The following RRM2 variants were observed in gnomAD, a reference collection of about 807,000 sequenced individuals.
RRM2 encodes the protein ribonucleotide reductase regulatory subunit M2.
In RRM2, 6 loss-of-function variants were observed where a neutral mutation model predicts 45.9. The observed-to-expected ratio is 0.13, with a 90% CI of 0.07 to 0.26. The LOEUF (loss-of-function observed/expected upper bound fraction) is 0.26. RRM2 is among the 10% of genes least tolerant of loss of function. The pLI is 1.00. For missense variants in RRM2, 343 were observed against 489.5 expected (o/e 0.70, Z 2.82); for synonymous variants, 177 against 173.0 (o/e 1.02, Z -0.18).
intron 3 of RRM2, among the ~76,000 whole-genome samples, chr2:10,157,016 CTTT>C (rs71391198): frequency 3.5e-5 from 3 of 85,926 alleles, no homozygotes; most frequent in African/African-American, 4.7e-5. Context: ...CAGCCCATTT[CTTT>C]TTTTTTTTTT....
chr2:10,197,363 T>C (rs75839341), intron 3 of RRM2, among the ~76,000 whole-genome samples: 3,210 of 152,284 alleles, frequency 0.021, 121 homozygotes, highest in African/African-American at 0.073. Flanking sequence ...CGTTTCGTCA[T>C]GTTCCTTCTG....
chr2:10,133,917 G>A (rs942149894), downstream of RRM2, among the ~76,000 whole-genome samples: 16 of 152,016 alleles, frequency 1.1e-4, no homozygotes, highest in South Asian at 2.5e-3. Flanking sequence ...GGTGGCTCGC[G>A]CCTGTAATCC....
chr2:10,154,765 GGCT>G (rs1663391653), intron 3 of RRM2, among the ~76,000 whole-genome samples: 1 of 138,368 alleles, frequency 7.2e-6, no homozygotes, highest in African/African-American at 2.8e-5. Flanking sequence ...GCGCGATCTC[GGCT>G]CACTGCAACC....
chr2:10,148,396 T>C (rs1246772812), intron 3 of RRM2, among the ~76,000 whole-genome samples: 1 of 89,388 alleles, frequency 1.1e-5, no homozygotes, highest in Non-Finnish European at 2.6e-5. Context: ...CAAAAGGGAC[T>C]AAATGAAAAA....
chr2:10,124,837 G>T lies in RRM2; in HGVS notation c.556G>T (p.Asp186Tyr). 1.9e-6 allele frequency: 3 copies of T among 1,598,454 alleles called. No homozygotes were observed. The highest frequency in any genetic ancestry group is 3.3e-4 in the Middle Eastern group (2 of 6,010). ...TCTTCTTATTGACACTTACATAAAAGATCCCAAAGAAAGGTGAGTATTCAA... is the reference window on the plus strand; with the variant it reads ...TCTTCTTATTGACACTTACATAAAATATCCCAAAGAAAGGTGAGTATTCAA... ...YSLLIDTYIK[D>Y]PKEREFLFNA... The change falls in exon 5 of 10, where the codon GAT becomes TAT. Residue 186 changes from aspartate to tyrosine, a missense_variant. This residue lies in a region of RRM2 where 212 missense variants were observed against 368.1 expected (regional missense o/e 0.58). Coordinates refer to ENST00000304567, the MANE Select transcript of RRM2 (RefSeq NM_001034.4).
chr2:10,204,202 C>T lies in RRM2; in HGVS notation n.483-6109C>T, dbSNP rs573297419. On this transcript the variant is annotated intron_variant and non_coding_transcript_variant, in intron 3 of 3. Transcript: ENST00000381786. The surrounding 1 kb of genome is among the most constrained non-coding windows in gnomAD (Gnocchi z 4.0). ...ACTTCTTTCACCTGGGGCCTGGCTT[C>T]GTCCAACAGCAGAGCCCAACCTCCA... Among the ~76,000 whole-genome samples, 1 of 152,176 alleles carries T rather than the reference C, an allele frequency of 6.6e-6. No homozygotes were observed. The highest frequency in any genetic ancestry group is 1.9e-4 in the East Asian group (1 of 5,138).
At chr2:10,147,743 C>T (rs954196360) in intron 3 of RRM2, among the ~76,000 whole-genome samples, 1 of 152,006 alleles carries the variant, frequency 6.6e-6, no homozygotes, top group African/African-American at 2.4e-5. Flanking sequence ...CCTTTTTTGC[C>T]ATCTAATTTT....
At chr2:10,193,408 G>A (rs1277035385) in intron 3 of RRM2, among the ~76,000 whole-genome samples, 4 of 152,200 alleles carry the variant, frequency 2.6e-5, no homozygotes, top group Non-Finnish European at 4.4e-5. Flanking sequence ...TTTTGGGCCT[G>A]GAGGCGGCAA....
intron 7 of RRM2, among the ~76,000 whole-genome samples, chr2:10,128,115 A>G (rs1662821092): frequency 6.6e-6 from 1 of 152,134 alleles, no homozygotes; most frequent in Non-Finnish European, 1.5e-5. Flanking sequence ...CAGTGAGTCA[A>G]GATCACACCA....
chr2:10,162,929 G>A (rs903569550), intron 3 of RRM2, among the ~76,000 whole-genome samples: 2 of 152,360 alleles, frequency 1.3e-5, no homozygotes, highest in Admixed American at 1.3e-4. Context: ...GGTCCCAGGA[G>A]GAGCCCCAGC....
downstream of RRM2, among the ~76,000 whole-genome samples, chr2:10,132,225 T>C (rs535009927): frequency 4.6e-5 from 7 of 152,316 alleles, no homozygotes; most frequent in Admixed American, 1.3e-4. Context: ...TCAGGTGACG[T>C]TTTCTACCTG....
upstream of RRM2, among the ~76,000 whole-genome samples, chr2:10,137,490 G>C (rs1000603072): frequency 1.3e-5 from 2 of 152,240 alleles, no homozygotes; most frequent in Admixed American, 1.3e-4. Context: ...GGGGCAAAGG[G>C]TGGGATCCTG....
At chr2:10,133,864 T>G (rs546160957), downstream of RRM2, among the ~76,000 whole-genome samples, 3 of 152,076 alleles carry the variant, frequency 2.0e-5, no homozygotes, top group South Asian at 6.2e-4. Context: ...CACCTGCCCA[T>G]GATAAATAGC....
chr2:10,196,796 G>C (rs1054442631), intron 3 of RRM2, among the ~76,000 whole-genome samples: 52 of 152,220 alleles, frequency 3.4e-4, no homozygotes, highest in African/African-American at 1.3e-3. Flanking sequence ...GAGGGCCGCA[G>C]CCGGGACAGG....
At chr2:10,179,640 G>A (rs1664002505) in intron 3 of RRM2, among the ~76,000 whole-genome samples, 1 of 152,148 alleles carries the variant, frequency 6.6e-6, no homozygotes, top group Non-Finnish European at 1.5e-5. Context: ...ACTTCCCGAC[G>A]AACCCATTGT....
rs142810409 is a variant in RRM2, at chr2:10,167,296, G to A, written n.482+24921G>A. 1.7e-3 allele frequency among the ~76,000 whole-genome samples: 252 copies of A among 152,350 alleles called. 3 individuals carry two copies. Among genetic ancestry groups the A allele is most frequent in the African/African-American group, 5.5e-3 (227 of 41,584 alleles). On this transcript the variant is annotated intron_variant and non_coding_transcript_variant, in intron 3 of 3. Transcript: ENST00000381786. ...ATGAGCCAGTGAAGGGCAAATGACT[G>A]GAAGCAAAAGGCCCTCTTGATGGAA...
intron 3 of RRM2, among the ~76,000 whole-genome samples, chr2:10,152,115 A>AT (rs1663323525): frequency 6.6e-6 from 1 of 151,452 alleles, no homozygotes; most frequent in Non-Finnish European, 1.5e-5. Context: ...CGCCCAGCTA[A>AT]TTTTTTGTAT....
intron 3 of RRM2, among the ~76,000 whole-genome samples, chr2:10,203,611 C>T (rs907739132): frequency 6.6e-6 from 1 of 152,000 alleles, no homozygotes; most frequent in Non-Finnish European, 1.5e-5. Flanking sequence ...CTTAGCCAGG[C>T]GTGGTGGTGC....
chr2:10,183,440 C>G (rs1035293905), intron 3 of RRM2, among the ~76,000 whole-genome samples: 2 of 152,232 alleles, frequency 1.3e-5, no homozygotes, highest in South Asian at 2.1e-4. Flanking sequence ...TGGCAAGAGC[C>G]CTTTGGGCCA....
Sources: allele counts gnomAD v4.1 joint callset (sites outside exome capture counted in the v4.1 genomes callset), GRCh38; gene constraint gnomAD v4.1.1; regional missense constraint gnomAD v4.1.1; non-coding constraint Gnocchi (gnomAD v3.1); transcripts MANE v1.5; gene names NCBI Gene and HGNC (gene_info 2026-07-23, HGNC 2026-07-21).